MACROD1: variants seen among roughly 807,000 people sequenced by gnomAD.
MACROD1 encodes ADP-ribose glycohydrolase MACROD1.
A neutral mutation model predicts 41.4 loss-of-function variants in MACROD1; 31 were observed. The observed-to-expected ratio is 0.75, with a 90% CI of 0.56 to 1.01. MACROD1 has a LOEUF of 1.01. Among genes scored for constraint, MACROD1 ranks in the 50% least tolerant of loss-of-function variants. The pLI is 0.00. For synonymous variants in MACROD1, 252 were observed against 203.4 expected (o/e 1.24, Z -2.03); for missense variants, 473 against 460.0 (o/e 1.03, Z -0.26).
At chr11:64,002,291 C>T (rs570270414) in intron 4 of MACROD1, among the ~76,000 whole-genome samples, 3 of 152,256 alleles carry the variant, frequency 2.0e-5, no homozygotes, top group South Asian at 2.1e-4. Flanking sequence ...TGTGGGGGCC[C>T]GTGCGGGGAA....
At chr11:64,154,211 C>T (rs1020861748) in intron 1 of MACROD1, among the ~76,000 whole-genome samples, 2 of 152,202 alleles carry the variant, frequency 1.3e-5, no homozygotes, top group Non-Finnish European at 2.9e-5. Flanking sequence ...CCCCACAGTG[C>T]CTGCCTGCTC....
At chr11:64,013,251 G>T (rs1001110712) in intron 4 of MACROD1, among the ~76,000 whole-genome samples, 7 of 151,872 alleles carry the variant, frequency 4.6e-5, no homozygotes, top group African/African-American at 9.7e-5. Context: ...GCTCAGAAAA[G>T]TTAAAACCAC....
intron 3 of MACROD1, among the ~76,000 whole-genome samples, chr11:64,024,761 G>A (rs755178546): frequency 2.0e-5 from 3 of 152,126 alleles, no homozygotes; most frequent in African/African-American, 4.8e-5. Flanking sequence ...GCCTTAGGAC[G>A]GCCATGGACC....
intron 3 of MACROD1, among the ~76,000 whole-genome samples, chr11:64,149,987 T>A (rs763258759): frequency 9.9e-5 from 15 of 152,224 alleles, no homozygotes; most frequent in Admixed American, 2.6e-4. Flanking sequence ...TAGCTCTCCC[T>A]GCTGCCCTCA....
chr11:64,032,957 C>A (rs1365222500), intron 3 of MACROD1, among the ~76,000 whole-genome samples: 3 of 151,744 alleles, frequency 2.0e-5, no homozygotes, highest in Admixed American at 6.6e-5. Context: ...TTCTGTCCCC[C>A]ACTCTAACCA....
In MACROD1 at chr11:64,133,429, G is replaced by A. The variant is rs930260147; in HGVS notation, c.517+17810C>T. Among the ~76,000 whole-genome samples the A allele has an allele frequency of 5.3e-5, 8 of 152,208 alleles. No individual in the cohort carries two copies. The South Asian group carries it at 8.3e-4, about 16-fold the overall frequency. The stretch of plus-strand genomic sequence containing the variant: ...CCTGCTGGCTGCCTTGCATAGGGAG[G>A]CACACGCAATGTGAGAGGGCAGGAG... On this transcript the variant is annotated intron_variant, in intron 3 of 10. Coordinates refer to ENST00000255681, the MANE Select transcript of MACROD1 (RefSeq NM_014067.4).
chr11:64,093,533 C>T (rs1363365841), intron 3 of MACROD1, among the ~76,000 whole-genome samples: 1 of 152,238 alleles, frequency 6.6e-6, no homozygotes, highest in Non-Finnish European at 1.5e-5. Context: ...GGCATCTCTG[C>T]CTGGTACAGA....
intron 3 of MACROD1, among the ~76,000 whole-genome samples, chr11:64,119,417 C>T (rs966585606): frequency 1.1e-4 from 16 of 152,274 alleles, no homozygotes; most frequent in African/African-American, 3.4e-4. Context: ...CCAGTGTCCT[C>T]GTCTCCCTCC....
At chr11:64,033,422 G>A (rs1188450566) in intron 3 of MACROD1, among the ~76,000 whole-genome samples, 2 of 152,170 alleles carry the variant, frequency 1.3e-5, no homozygotes, top group African/African-American at 2.4e-5. Context: ...TTAGGGACAA[G>A]GTTGCCCAGG....
At chr11:64,001,370 C>T (rs759583565) in intron 4 of MACROD1, 35 of 697,456 alleles carry the variant, frequency 5.0e-5, no homozygotes, top group Non-Finnish European at 7.8e-5. Context: ...CAGCTCTGAT[C>T]GCCCACGCCA....
At chr11:64,089,584 C>T (rs773397407) in intron 3 of MACROD1, among the ~76,000 whole-genome samples, 16 of 152,348 alleles carry the variant, frequency 1.1e-4, no homozygotes, top group African/African-American at 3.6e-4. Context: ...CCAGAGAAAG[C>T]GGCTGAAAAC....
chr11:64,108,951 C>T (rs998333121), intron 3 of MACROD1, among the ~76,000 whole-genome samples: 2 of 152,066 alleles, frequency 1.3e-5, no homozygotes, highest in Admixed American at 6.5e-5. Context: ...GGCAGGTGGG[C>T]AGGAAGGAGG....
intron 4 of MACROD1, among the ~76,000 whole-genome samples, chr11:64,010,310 CTGGTATGTTGTTTGGGGTGTTGGT>C (rs1942986141): frequency 9.4e-6 from 1 of 106,702 alleles, no homozygotes; most frequent in African/African-American, 3.4e-5. Context: ...GGAGTGTTGG[CTGGTATGTTGTTTGGGGTGTTGGT>C]TGGGGTGTTG....
In MACROD1 at chr11:64,116,674, A is replaced by G. The variant is rs116999073; in HGVS notation, c.517+34565T>C. On this transcript the variant is annotated intron_variant, in intron 3 of 10. Coordinates refer to ENST00000255681, the MANE Select transcript of MACROD1 (RefSeq NM_014067.4). The stretch of plus-strand genomic sequence containing the variant: ...TCCCTCCGGGAGCTGCACCTGCAGG[A>G]CAACAATGTGCGCACCATTGCCAGG... 3,292 of 1,613,982 alleles carry G rather than the reference A, an allele frequency of 2.0e-3. 4 individuals are homozygous for G. Among genetic ancestry groups the G allele is most frequent in the Non-Finnish European group, 2.6e-3 (3,081 of 1,180,028 alleles).
At chr11:64,081,457 T>G (rs1451914839) in intron 3 of MACROD1, among the ~76,000 whole-genome samples, 1 of 152,216 alleles carries the variant, frequency 6.6e-6, no homozygotes, top group African/African-American at 2.4e-5. Context: ...ATACAGGGAT[T>G]GGCAGAGTGC....
In MACROD1 at chr11:64,000,288, G is replaced by A; in HGVS notation, c.603C>T (p.Thr201=). 1 of 1,601,418 alleles carries A rather than the reference G, an allele frequency of 6.2e-7. No homozygotes were observed. Among genetic ancestry groups the A allele is most frequent in the Non-Finnish European group, 8.5e-7 (1 of 1,174,656 alleles). The change falls in exon 5 of 11, where the codon ACC becomes ACT. Residue 201 remains threonine (T), a synonymous_variant. Transcript: ENST00000255681. The stretch of plus-strand genomic sequence containing the variant: ...CCTTGCCAGTCTTACAGCTCTGCAG[G>A]GTCCGGCACTCGTCGGTAAGCAGGG... The part of the protein sequence containing the change: ...AGPLLTDECR[T]LQSCKTGKAK...
rs367800144 is a variant in MACROD1, at chr11:64,063,744, C to T, written c.518-48463G>A. Among the ~76,000 whole-genome samples the T allele has an allele frequency of 6.4e-4, 98 of 152,292 alleles. 1 individual carries two copies. Among genetic ancestry groups the T allele is most frequent in the Middle Eastern group, 3.4e-3 (1 of 294 alleles). On this transcript the variant is annotated intron_variant, in intron 3 of 10. Coordinates refer to ENST00000255681, the MANE Select transcript of MACROD1 (RefSeq NM_014067.4). Reference sequence around the variant, plus strand: ...CTACTCCCCCCTCCATGGGCAGCCACGCGGTCCTCGCCCGGCTGTCAGCCA... The same window carrying T: ...CTACTCCCCCCTCCATGGGCAGCCATGCGGTCCTCGCCCGGCTGTCAGCCA...
intron 3 of MACROD1, among the ~76,000 whole-genome samples, chr11:64,076,658 C>T (rs952930687): frequency 1.3e-5 from 2 of 152,164 alleles, no homozygotes; most frequent in East Asian, 1.9e-4. Flanking sequence ...CAGAGAGAGA[C>T]GAAATCGCCT....
At chr11:64,084,710 C>T (rs1163801806) in intron 3 of MACROD1, among the ~76,000 whole-genome samples, 1 of 152,228 alleles carries the variant, frequency 6.6e-6, no homozygotes, top group Non-Finnish European at 1.5e-5. Flanking sequence ...TGTCCACGTG[C>T]CCGTGCTGCT....
Sources: gnomAD v4.1 joint callset for allele counts (sites outside exome capture counted in the v4.1 genomes callset) on GRCh38, gnomAD v4.1.1 for gene constraint, MANE v1.5 for transcripts, NCBI Gene and HGNC (gene_info 2026-07-23, HGNC 2026-07-21) for gene names.